Variants in CTNNA3 observed in about 807,000 individuals in gnomAD.
The protein encoded by CTNNA3 is catenin alpha-3.
A neutral mutation model predicts 95.7 loss-of-function variants in CTNNA3; 76 were observed. That is an observed-to-expected ratio of 0.79 (90% CI 0.66 to 0.96). The LOEUF (loss-of-function observed/expected upper bound fraction) is 0.96. Among genes scored for constraint, CTNNA3 ranks in the 40% least tolerant of loss-of-function variants. The pLI is 0.00. For synonymous variants in CTNNA3, 431 were observed against 374.4 expected (o/e 1.15, Z -1.74); for missense variants, 1,191 against 1,089.8 (o/e 1.09, Z -1.31).
chr10:66,815,536 A>AATCTTTCATATTCAAATATTCTC (rs1842043697), intron 7 of CTNNA3, among the ~76,000 whole-genome samples: 1 of 152,104 alleles, frequency 6.6e-6, no homozygotes, highest in Non-Finnish European at 1.5e-5. Flanking sequence ...GAAATATTCG[A>AATCTTTCATATTCAAATATTCTC]ATCTTTCATA....
intron 13 of CTNNA3, among the ~76,000 whole-genome samples, chr10:66,209,499 T>C (rs2087989607): frequency 6.6e-6 from 1 of 151,650 alleles, no homozygotes; most frequent in Admixed American, 6.6e-5. Context: ...ACATCTGGAG[T>C]ATGGAAAGAG....
intron 13 of CTNNA3, among the ~76,000 whole-genome samples, chr10:66,183,344 T>C (rs958891806): frequency 2.6e-5 from 4 of 152,248 alleles, no homozygotes; most frequent in African/African-American, 9.6e-5. Flanking sequence ...CTGTATGAGA[T>C]ATGCATTTCT....
At chr10:67,668,112 G>C (rs61232662) in intron 1 of CTNNA3, among the ~76,000 whole-genome samples, 5,202 of 152,128 alleles carry the variant, frequency 0.034, 89 homozygotes, top group Middle Eastern at 0.075. Context: ...CTCACTCAAT[G>C]GTTTTTGGTT....
At chr10:67,726,124 T>A (rs1186521940) in intron 1 of CTNNA3, among the ~76,000 whole-genome samples, 2 of 114,842 alleles carry the variant, frequency 1.7e-5, no homozygotes, top group South Asian at 2.4e-4. Context: ...TATTATTATA[T>A]TAGATAATAT....
At chr10:66,086,747 C>T (rs79319356) in intron 14 of CTNNA3, among the ~76,000 whole-genome samples, 2,280 of 152,040 alleles carry the variant, frequency 0.015, 57 homozygotes, top group African/African-American at 0.051. Context: ...TACCTCTCCC[C>T]GACTCCGCAA....
At chr10:65,934,358 T>C (rs1418092149) in intron 17 of CTNNA3, among the ~76,000 whole-genome samples, 2 of 152,134 alleles carry the variant, frequency 1.3e-5, no homozygotes, top group Non-Finnish European at 2.9e-5. Context: ...CACACCCATG[T>C]TCAAAAATAT....
intron 5 of CTNNA3, among the ~76,000 whole-genome samples, chr10:67,291,539 G>C (rs1839837817): frequency 6.6e-6 from 1 of 152,032 alleles, no homozygotes; most frequent in African/African-American, 2.4e-5. Context: ...CATTTCCTGT[G>C]ACCTGTTCAG....
At chr10:66,778,320 G>A (rs1840394051) in intron 7 of CTNNA3, among the ~76,000 whole-genome samples, 3 of 152,018 alleles carry the variant, frequency 2.0e-5, no homozygotes, top group Non-Finnish European at 2.9e-5. Context: ...AAATAGCCCC[G>A]TCCTGCTTAA....
At chr10:67,534,797 C>G (rs1840440495) in intron 4 of CTNNA3, among the ~76,000 whole-genome samples, 1 of 152,050 alleles carries the variant, frequency 6.6e-6, no homozygotes, top group South Asian at 2.1e-4. Context: ...AGCTTGGAGA[C>G]AGAGTTGACC....
chr10:66,676,808 T>C (rs2132487944), intron 9 of CTNNA3, among the ~76,000 whole-genome samples: 1 of 152,264 alleles, frequency 6.6e-6, no homozygotes, highest in Non-Finnish European at 1.5e-5. Context: ...AGTCAATAGT[T>C]AATAAACATT....
At chr10:67,074,664 T>A (rs1326897417) in intron 7 of CTNNA3, among the ~76,000 whole-genome samples, 1 of 152,216 alleles carries the variant, frequency 6.6e-6, no homozygotes, top group Non-Finnish European at 1.5e-5. Flanking sequence ...TTAACTCTTT[T>A]CATACAAATT....
intron 7 of CTNNA3, among the ~76,000 whole-genome samples, chr10:66,805,579 G>C (rs1366965871): frequency 6.6e-6 from 1 of 150,674 alleles, no homozygotes; most frequent in Non-Finnish European, 1.5e-5. Context: ...ATTTATGGGG[G>C]GGAGAAAAAC....
intron 9 of CTNNA3, among the ~76,000 whole-genome samples, chr10:66,691,522 C>G (rs1025312093): frequency 6.6e-6 from 1 of 152,130 alleles, no homozygotes; most frequent in Non-Finnish European, 1.5e-5. Context: ...GGCTCCACCT[C>G]TGGGGGCAGG....
chr10:66,909,019 G>A (rs1042060936), intron 7 of CTNNA3, among the ~76,000 whole-genome samples: 8 of 152,090 alleles, frequency 5.3e-5, no homozygotes, highest in African/African-American at 1.9e-4. Context: ...TTCTTGACAC[G>A]GTATTGTTGG....
At chr10:67,235,850 G>C (rs1249309073) in intron 5 of CTNNA3, among the ~76,000 whole-genome samples, 1 of 141,202 alleles carries the variant, frequency 7.1e-6, no homozygotes, top group African/African-American at 2.9e-5. Context: ...AGTGGGCGAA[G>C]GACATGAACA....
At position 66,552,818 on chromosome 10, in the gene CTNNA3, A is replaced by G. The variant is rs527672817; in HGVS notation, c.1375-32045T>C. 1.2e-3 allele frequency among the ~76,000 whole-genome samples: 182 copies of G among 151,994 alleles called. 2 individuals carry two copies. Among genetic ancestry groups the G allele is most frequent in the Middle Eastern group, 6.8e-3 (2 of 294 alleles). ...CTCATTATTTTTTTCCTTGAAGTCTATCTTCTCTGATATTAATATAGCTTC... is the reference window on the plus strand; with the variant it reads ...CTCATTATTTTTTTCCTTGAAGTCTGTCTTCTCTGATATTAATATAGCTTC... On this transcript the variant is annotated intron_variant, in intron 10 of 17. Coordinates refer to ENST00000433211, the MANE Select transcript of CTNNA3 (RefSeq NM_013266.4).
intron 7 of CTNNA3, among the ~76,000 whole-genome samples, chr10:66,803,608 T>C (rs1841520007): frequency 6.6e-6 from 1 of 152,086 alleles, no homozygotes; most frequent in Non-Finnish European, 1.5e-5. Flanking sequence ...ATTTATTGAA[T>C]AGACACTTAT....
At chr10:66,309,489 G>C (rs540278500) in intron 12 of CTNNA3, among the ~76,000 whole-genome samples, 33 of 151,458 alleles carry the variant, frequency 2.2e-4, no homozygotes, top group African/African-American at 6.3e-4. Context: ...TCAGGAGATC[G>C]AGACCATCCT....
rs545466470 is a variant in CTNNA3, at chr10:66,312,086, C to T, written c.1733-31465G>A. ...GTTATAATAATTAGCCACATATAGG[C>T]TATTTTAGTAATTGTTATAATTATT... is the stretch of plus-strand genomic sequence containing the variant. On this transcript the variant is annotated intron_variant, in intron 12 of 17. Transcript: ENST00000433211. Among the ~76,000 whole-genome samples, 13 of 152,256 alleles carry T rather than the reference C, an allele frequency of 8.5e-5. No individual in the cohort carries two copies. In the East Asian group the frequency reaches 2.3e-3, roughly 27 times the overall value.
Sources: allele counts gnomAD v4.1 joint callset (sites outside exome capture counted in the v4.1 genomes callset), GRCh38; gene constraint gnomAD v4.1.1; transcripts MANE v1.5; gene names NCBI Gene and HGNC (gene_info 2026-07-23, HGNC 2026-07-21).